Variants in VPS50 observed in about 807,000 individuals in gnomAD.
VPS50 encodes the protein VPS50 subunit of EARP/GARPII complex.
A neutral mutation model predicts 139.7 loss-of-function variants in VPS50; 70 were observed. The ratio of observed to expected loss-of-function variants is 0.50; its 90% confidence interval spans 0.41 to 0.61. The LOEUF (loss-of-function observed/expected upper bound fraction) is 0.61, where lower values mean the gene tolerates loss of function less well. Ranked by LOEUF, VPS50 falls within the 20% of genes least tolerant of loss-of-function variation. The pLI is 0.00. For synonymous variants in VPS50, 365 were observed against 376.7 expected, an observed-to-expected ratio of 0.97 and a Z score of 0.36; for missense variants, 921 against 1,133.7, an observed-to-expected ratio of 0.81 and a Z score of 2.69.
At chr7:93,324,816 A>C (rs1344861654) in intron 21 of VPS50, among the ~76,000 whole-genome samples, 26 of 152,226 alleles carry the variant, frequency 1.7e-4, no homozygotes, top group Admixed American at 1.7e-3. Flanking sequence ...ATGGAAAAAC[A>C]TTCCATGCTC....
chr7:93,328,771 A>ACC (rs1797855166), intron 21 of VPS50, among the ~76,000 whole-genome samples: 1 of 152,198 alleles, frequency 6.6e-6, no homozygotes, highest in Non-Finnish European at 1.5e-5. Flanking sequence ...GTGGAGCTAG[A>ACC]AAACTGGAAA....
intron 23 of VPS50, among the ~76,000 whole-genome samples, chr7:93,341,924 T>A (rs1476988541): frequency 3.3e-5 from 5 of 152,238 alleles, no homozygotes; most frequent in African/African-American, 1.2e-4. Context: ...CAATTTAGTG[T>A]TAAGTATAGT....
At chr7:93,323,197 T>A (rs1797669071) in intron 20 of VPS50, 1 of 152,086 alleles carries the variant, frequency 6.6e-6, no homozygotes. Context: ...TATTTTATTT[T>A]CCTCTATTAA....
chr7:93,260,167 A>G (rs1795623546), intron 9 of VPS50, among the ~76,000 whole-genome samples: 1 of 152,232 alleles, frequency 6.6e-6, no homozygotes, highest in Non-Finnish European at 1.5e-5. Flanking sequence ...TAAATATACA[A>G]CAGAAAAATA....
chr7:93,280,200 T>C (rs562187813), intron 12 of VPS50, among the ~76,000 whole-genome samples: 9 of 152,296 alleles, frequency 5.9e-5, no homozygotes, highest in African/African-American at 2.2e-4. Flanking sequence ...ATGTACTTTT[T>C]TTTCTTTACT....
At chr7:93,240,956 A>G (rs1471864318) in intron 2 of VPS50, among the ~76,000 whole-genome samples, 1 of 152,148 alleles carries the variant, frequency 6.6e-6, no homozygotes, top group African/African-American at 2.4e-5. Context: ...ACTTAAGAAA[A>G]GCATTCCGTA....
Position 93,348,831 on chromosome 7 carries a change from T to C in VPS50, c.2304+24T>C, listed in dbSNP as rs760648491. On this transcript the variant is annotated intron_variant, in intron 24 of 27. Transcript: ENST00000305866. ...AGGTCAGACATGGTCTTGTATGTCATTTCAACTGTGAGGAAGATAGGACTG... is the reference window on the plus strand; with the variant it reads ...AGGTCAGACATGGTCTTGTATGTCACTTCAACTGTGAGGAAGATAGGACTG... 11 of 1,450,410 alleles carry C rather than the reference T, an allele frequency of 7.6e-6. No homozygotes were observed. In the Admixed American group the frequency reaches 8.5e-5, roughly 11 times the overall value. The allele number at this position is 1,450,410 out of a possible 1,614,324, so 89.8% of individuals were successfully genotyped here.
At chr7:93,288,514 T>C (rs1449434314) in intron 12 of VPS50, among the ~76,000 whole-genome samples, 1 of 152,128 alleles carries the variant, frequency 6.6e-6, no homozygotes, top group African/African-American at 2.4e-5. Flanking sequence ...AATTGCTAGG[T>C]TGAAGAAAAA....
At chr7:93,304,451 T>C (rs1413384798) in intron 17 of VPS50, among the ~76,000 whole-genome samples, 3 of 151,744 alleles carry the variant, frequency 2.0e-5, no homozygotes, top group Non-Finnish European at 4.4e-5. Flanking sequence ...TAGCAATTAA[T>C]AAATGCTTTA....
chr7:93,342,652 A>G (rs1304419740), intron 23 of VPS50, among the ~76,000 whole-genome samples: 1 of 152,212 alleles, frequency 6.6e-6, no homozygotes, highest in Non-Finnish European at 1.5e-5. Flanking sequence ...GACTGCCTCA[A>G]GTGGGTCCCT....
chr7:93,246,080 TTC>T, intron 2 of VPS50: 2 of 1,500,444 alleles, frequency 1.3e-6, no homozygotes, highest in Non-Finnish European at 1.8e-6. Flanking sequence ...CACTAAACGC[TTC>T]TTTTTTTTTT....
intron 21 of VPS50, among the ~76,000 whole-genome samples, chr7:93,332,199 G>A (rs539756517): frequency 6.6e-6 from 1 of 152,310 alleles, no homozygotes; most frequent in East Asian, 1.9e-4. Flanking sequence ...TCAAGGTGGT[G>A]GCCAATTCAT....
chr7:93,341,632 A>C (rs1272613638), intron 23 of VPS50, 57 bp downstream of exon 23: 3 of 1,250,298 alleles, frequency 2.4e-6, no homozygotes, highest in South Asian at 2.8e-5. Context: ...TTTATAAAAG[A>C]AGCATTGTTT....
intron 6 of VPS50, 190 bp downstream of exon 6, chr7:93,257,654 T>TA (rs1339275515): frequency 7.2e-6 from 3 of 415,778 alleles, no homozygotes; most frequent in Non-Finnish European, 1.3e-5. Context: ...TAAGTGTACT[T>TA]ATGGGTTTTA....
chr7:93,352,129 G>T (rs1798579423), intron 25 of VPS50, among the ~76,000 whole-genome samples: 1 of 152,112 alleles, frequency 6.6e-6, no homozygotes, highest in African/African-American at 2.4e-5. Flanking sequence ...TTAGCAATAA[G>T]TAGAATGTTA....
chr7:93,239,404 G>A (rs1052290281), intron 1 of VPS50, among the ~76,000 whole-genome samples: 1 of 152,148 alleles, frequency 6.6e-6, no homozygotes, highest in African/African-American at 2.4e-5. Flanking sequence ...GGATACATTG[G>A]TGGGAAATAA....
intron 20 of VPS50, among the ~76,000 whole-genome samples, chr7:93,313,617 A>G (rs1465197368): frequency 6.6e-6 from 1 of 152,210 alleles, no homozygotes; most frequent in East Asian, 1.9e-4. Flanking sequence ...GGCCTTTATA[A>G]TAATGGTAGA....
At chr7:93,305,333 G>A (rs566002852) in intron 17 of VPS50, among the ~76,000 whole-genome samples, 1 of 151,796 alleles carries the variant, frequency 6.6e-6, no homozygotes, top group South Asian at 2.1e-4. Context: ...GGTATATAGC[G>A]AAAAGTAAAT....
At chr7:93,289,439 T>G (rs1266355938) in intron 12 of VPS50, among the ~76,000 whole-genome samples, 1 of 152,084 alleles carries the variant, frequency 6.6e-6, no homozygotes, top group African/African-American at 2.4e-5. Flanking sequence ...TGTGAATATA[T>G]GTTGTGAATA....
Sources: allele counts gnomAD v4.1 joint callset (sites outside exome capture counted in the v4.1 genomes callset), GRCh38; gene constraint gnomAD v4.1.1; transcripts MANE v1.5; gene names NCBI Gene and HGNC (gene_info 2026-07-23, HGNC 2026-07-21).